Variants in LPP observed in about 807,000 individuals in gnomAD.
LPP encodes the protein lipoma-preferred partner.
LPP carries 38 observed loss-of-function variants against 60.4 expected under a neutral mutation model. The observed-to-expected ratio is 0.63, with a 90% CI of 0.49 to 0.83. The LOEUF is 0.83. Among genes scored for constraint, LPP ranks in the 40% least tolerant of loss-of-function variants. The pLI is 0.00. For missense variants in LPP, 902 were observed against 783.6 expected, an observed-to-expected ratio of 1.15 and a Z score of -1.80; for synonymous variants, 328 against 290.8, an observed-to-expected ratio of 1.13 and a Z score of -1.30.
chr3:188,550,393 A>G (rs867031442), intron 6 of LPP, among the ~76,000 whole-genome samples: 1 of 151,956 alleles, frequency 6.6e-6, no homozygotes, highest in Non-Finnish European at 1.5e-5. Context: ...CCTGGCTAAC[A>G]TGGTGAAACC....
At chr3:188,190,530 T>C (rs962771858) in intron 1 of LPP, among the ~76,000 whole-genome samples, 1 of 152,110 alleles carries the variant, frequency 6.6e-6, no homozygotes, top group African/African-American at 2.4e-5. Flanking sequence ...ACTGGGGATA[T>C]AGTGATGAAG....
intron 7 of LPP, among the ~76,000 whole-genome samples, chr3:188,658,168 G>A (rs530353431): frequency 4.2e-4 from 1 of 2,406 alleles, no homozygotes; most frequent in African/African-American, 7.1e-4. Context: ...TTTAACGACA[G>A]AGTCTTGCTC....
At position 188,884,759 on chromosome 3, in the gene LPP, G is replaced by C. The variant is rs1252576794; in HGVS notation, c.*10280G>C. 4.4e-6 allele frequency: 1 copy of C among 225,936 alleles called. No homozygotes were observed. Among genetic ancestry groups the C allele is most frequent in the African/African-American group, 2.2e-5 (1 of 44,910 alleles). The allele number at this position is 225,936 out of a possible 1,614,324, so 14.0% of individuals were successfully genotyped here. On this transcript the variant is annotated 3_prime_UTR_variant, in exon 12 of 12. Coordinates refer to ENST00000617246, the MANE Select transcript of LPP (RefSeq NM_001375462.1). ...ACGTTCCACAGAGGCAGAAACCGCCGTAGGTTAGCAATGCATTTTAGTCTT... is the reference window on the plus strand; with the variant it reads ...ACGTTCCACAGAGGCAGAAACCGCCCTAGGTTAGCAATGCATTTTAGTCTT...
At chr3:188,240,098 T>A (rs1723435789) in intron 2 of LPP, 1 of 195,510 alleles carries the variant, frequency 5.1e-6, no homozygotes, top group Admixed American at 6.1e-5. Context: ...AGCTGGCAGA[T>A]GGATACATCT....
intron 8 of LPP, among the ~76,000 whole-genome samples, chr3:188,749,481 C>T (rs1383048862): frequency 6.6e-6 from 1 of 152,178 alleles, no homozygotes; most frequent in Non-Finnish European, 1.5e-5. Flanking sequence ...TGCTACTAAA[C>T]GGTAAAACAG....
chr3:188,634,776 C>A lies in LPP; in HGVS notation c.1113+24932C>A, dbSNP rs139544865. ...TGGGAAAACAAGCTCAGGGCTCCCA[C>A]TGATTCCACTGATGGTGAGTTGTAT... On this transcript the variant is annotated intron_variant, in intron 7 of 11. Transcript: ENST00000617246. Among the ~76,000 whole-genome samples the A allele has an allele frequency of 4.9e-4, 74 of 152,288 alleles. 1 individual carries two copies. The highest frequency in any genetic ancestry group is 1.7e-3 in the African/African-American group (72 of 41,560).
chr3:188,738,619 G>A (rs981523855), intron 8 of LPP, among the ~76,000 whole-genome samples: 1 of 152,220 alleles, frequency 6.6e-6, no homozygotes, highest in Middle Eastern at 3.4e-3. Flanking sequence ...GTTTGATAAA[G>A]TGTGGGCTGC....
chr3:188,774,020 A>T (rs1233310838), intron 9 of LPP, among the ~76,000 whole-genome samples: 1 of 152,226 alleles, frequency 6.6e-6, no homozygotes, highest in Non-Finnish European at 1.5e-5. Context: ...TTACAATGTA[A>T]CAAAATCAAA....
chr3:188,592,563 T>TTTTTTTTTTTGG, intron 6 of LPP, among the ~76,000 whole-genome samples: 9 of 77,244 alleles, frequency 1.2e-4, no homozygotes, highest in Non-Finnish European at 1.9e-4. Context: ...TTTTGTTTTT[T>TTTTTTTTTTTGG]AAATGGAGTC....
intron 6 of LPP, among the ~76,000 whole-genome samples, chr3:188,543,795 C>T (rs982302249): frequency 2.0e-4 from 30 of 152,004 alleles, no homozygotes; most frequent in African/African-American, 6.8e-4. Flanking sequence ...TAGGATTAGC[C>T]CACACTAAGA....
intron 7 of LPP, among the ~76,000 whole-genome samples, chr3:188,647,641 A>T (rs527615415): frequency 6.6e-6 from 1 of 152,146 alleles, no homozygotes; most frequent in Non-Finnish European, 1.5e-5. Flanking sequence ...CCTGGCTATT[A>T]TGGGGACCTC....
intron 4 of LPP, 113 bp from the exon 5 acceptor site, chr3:188,484,479 A>G: frequency 1.4e-6 from 1 of 707,682 alleles, no homozygotes; most frequent in Non-Finnish European, 2.5e-6. Context: ...GCTATACAAC[A>G]CAAAATTATG....
chr3:188,371,642 T>TATATATATATATATATATATATATATATA (rs1553878070), intron 3 of LPP, among the ~76,000 whole-genome samples: 2 of 16,234 alleles, frequency 1.2e-4, no homozygotes, highest in African/African-American at 2.6e-4. Flanking sequence ...TATATATATA[T>TATATATATATATATATATATATATATATA]TTTTTTTTTT....
chr3:188,677,094 C>T (rs1858302669), intron 7 of LPP, among the ~76,000 whole-genome samples: 1 of 152,088 alleles, frequency 6.6e-6, no homozygotes, highest in Admixed American at 6.5e-5. Flanking sequence ...AGATCCTTCC[C>T]CAGTCAATCC....
chr3:188,770,173 T>A (rs1385675040), intron 9 of LPP, among the ~76,000 whole-genome samples: 2 of 120,454 alleles, frequency 1.7e-5, no homozygotes, highest in Non-Finnish European at 3.3e-5. Flanking sequence ...TAATTCTTTT[T>A]TTTTTTTTTT....
In LPP at chr3:188,707,094, T is replaced by C. The variant is rs556997813; in HGVS notation, c.1114-1173T>C. Among the ~76,000 whole-genome samples, 4 of 152,322 alleles carry C rather than the reference T, an allele frequency of 2.6e-5. No homozygotes were observed. The East Asian group carries it at 7.7e-4, about 29-fold the overall frequency. On this transcript the variant is annotated intron_variant, in intron 7 of 11. Coordinates refer to ENST00000617246, the MANE Select transcript of LPP (RefSeq NM_001375462.1). ...TCTTCATTGATGATCTCAAGTACTC[T>C]CTCAATTGATATTTGATTCTCTTGC...
intron 1 of LPP, among the ~76,000 whole-genome samples, chr3:188,197,220 G>T (rs1729787731): frequency 6.6e-6 from 1 of 152,094 alleles, no homozygotes; most frequent in African/African-American, 2.4e-5. Flanking sequence ...GGTAGTATTG[G>T]GTGGGACAGT....
intron 5 of LPP, among the ~76,000 whole-genome samples, chr3:188,511,202 C>CCCTCCCTTCCTCCCTTCCTT (rs1367228164): frequency 1.6e-5 from 2 of 121,708 alleles, no homozygotes; most frequent in East Asian, 5.9e-4. Context: ...CTCCCTCCTT[C>CCCTCCCTTCCTCCCTTCCTT]CCTCCCTTCC....
intron 7 of LPP, among the ~76,000 whole-genome samples, chr3:188,632,597 G>C (rs531965038): frequency 2.6e-5 from 4 of 152,316 alleles, no homozygotes; most frequent in African/African-American, 9.6e-5. Context: ...CTCAGCTGAA[G>C]CTGAGAACAT....
Sources: allele counts gnomAD v4.1 joint callset (sites outside exome capture counted in the v4.1 genomes callset), GRCh38; gene constraint gnomAD v4.1.1; transcripts MANE v1.5; gene names NCBI Gene and HGNC (gene_info 2026-07-23, HGNC 2026-07-21).